Variants in ADGRG4 observed in about 807,000 individuals in gnomAD.
ADGRG4 encodes the protein G protein-coupled receptor 112.
In ADGRG4, 122 loss-of-function variants were observed where a neutral mutation model predicts 126.2. The observed-to-expected ratio is 0.97, with a 90% CI of 0.83 to 1.12. The LOEUF (loss-of-function observed/expected upper bound fraction) is 1.12, where lower values mean the gene tolerates loss of function less well. Ranked by LOEUF, ADGRG4 falls within the 50% of genes most tolerant of loss-of-function variation. ADGRG4 has a pLI of 0.00. For missense variants in ADGRG4, 2,481 were observed against 2,251.8 expected, an observed-to-expected ratio of 1.10 and a Z score of -2.06; for synonymous variants, 943 against 838.7, an observed-to-expected ratio of 1.12 and a Z score of -2.15.
chrX:136,345,768 G>A lies in ADGRG4; in HGVS notation c.2062G>A (p.Glu688Lys). ...TGAAAATTTTACATCAGCATTTCATGAGAATACTACTTATACAGAATATTT... is the reference window on the plus strand; with the variant it reads ...TGAAAATTTTACATCAGCATTTCATAAGAATACTACTTATACAGAATATTT... ...PNENFTSAFH[E>K]NTTYTEYLSA... is the part of the protein sequence containing the mutation. The change falls in exon 6 of 26, where the codon GAG (glutamate) becomes AAG (lysine). Residue 688 changes from glutamate to lysine, a missense_variant. By Grantham distance (56) the Glu-to-Lys change is moderately conservative (BLOSUM62 1). Transcript: ENST00000394143. 1 of 1,210,060 alleles carries A rather than the reference G, an allele frequency of 8.3e-7. No individual in the cohort carries two copies. The highest frequency in any genetic ancestry group is 1.1e-6 in the Non-Finnish European group (1 of 894,131).
In ADGRG4 at chrX:136,346,116, A is replaced by G. The variant is rs745630604; in HGVS notation, c.2410A>G (p.Ser804Gly). 5.8e-6 allele frequency: 7 copies of G among 1,209,887 alleles called. No individual in the cohort carries two copies. Among genetic ancestry groups the G allele is most frequent in the Non-Finnish European group, 7.8e-6 (7 of 894,126 alleles). Reference sequence around the variant, plus strand: ...TCAACCAAATTTTTCTACTGAGGAAAGTGCTTCTGAGACCACACAAACAGA... The same window carrying G: ...TCAACCAAATTTTTCTACTGAGGAAGGTGCTTCTGAGACCACACAAACAGA... ...CIQPNFSTEE[S>G]ASETTQTEIN... The change falls in exon 6 of 26, where the codon AGT becomes GGT. Residue 804 changes from serine to glycine, a missense_variant. Ser to Gly is a moderately conservative substitution (Grantham distance 56, BLOSUM62 0). Coordinates refer to ENST00000394143, the MANE Select transcript of ADGRG4 (RefSeq NM_153834.4).
intron 5 of ADGRG4, among the ~76,000 whole-genome samples, chrX:136,339,753 G>A (rs1345816794): frequency 8.9e-6 from 1 of 112,302 alleles, no homozygotes; most frequent in Non-Finnish European, 1.9e-5. Flanking sequence ...ACCATTTCCA[G>A]GATTTATAGT....
At chrX:136,305,517 A>G (rs1049335814) in intron 3 of ADGRG4, among the ~76,000 whole-genome samples, 3 of 112,243 alleles carry the variant, frequency 2.7e-5, no homozygotes, top group African/African-American at 6.5e-5. Flanking sequence ...CTGTAATGAC[A>G]CCTTCTGGGA....
intron 11 of ADGRG4, among the ~76,000 whole-genome samples, 153 bp from the exon 12 acceptor site, chrX:136,361,301 TC>T (rs1335001316): frequency 1.8e-5 from 2 of 109,460 alleles, no homozygotes; most frequent in Non-Finnish European, 1.9e-5. Flanking sequence ...GAAAAAGTTT[TC>T]TTTTTTATTT....
intron 15 of ADGRG4, among the ~76,000 whole-genome samples, chrX:136,375,570 T>C: frequency 8.9e-6 from 1 of 112,404 alleles, no homozygotes; most frequent in Non-Finnish European, 1.9e-5. Context: ...TTTTTAATTA[T>C]GGCCATTCTT....
intron 5 of ADGRG4, among the ~76,000 whole-genome samples, chrX:136,332,068 A>G (rs1429264373): frequency 9.2e-6 from 1 of 108,912 alleles, no homozygotes; most frequent in East Asian, 2.8e-4. Flanking sequence ...GGTTAGTTAC[A>G]TATGTATACA....
chrX:136,350,062 C>A lies in ADGRG4; in HGVS notation c.6356C>A (p.Thr2119Asn), dbSNP rs1021038921. Residue 2119 changes from threonine to asparagine, a missense_variant, in exon 6 of 26, where the codon ACT becomes AAT. Physicochemically the swap from Thr to Asn is moderately conservative, Grantham distance 65. Transcript: ENST00000394143. ...SRTTITANPRTVSHPSSFSRK... is the reference protein window; with the variant it reads ...SRTTITANPRNVSHPSSFSRK... ...ACCACAATAACTGCCAACCCCAGGA[C>A]TGTGTCTCATCCTTCATCCTTCAGC... The A allele has an allele frequency of 2.5e-6, 3 of 1,210,996 alleles. No homozygotes were observed. Among genetic ancestry groups the A allele is most frequent in the East Asian group, 5.9e-5 (2 of 33,823 alleles).
chrX:136,416,754 C>G lies in ADGRG4; in HGVS notation c.*263C>G, dbSNP rs1866108439. On this transcript the variant is annotated 3_prime_UTR_variant, in exon 26 of 26. Transcript: ENST00000394143. ...TTTTCAATAAATCCCAGTAGAGATA[C>G]TTGCCTCCTCCCAACCCCTGATTGG... is the stretch of plus-strand genomic sequence containing the variant. The G allele has an allele frequency of 4.2e-6, 1 of 236,811 alleles. No individual in the cohort carries two copies. The highest frequency in any genetic ancestry group is 2.9e-5 in the African/African-American group (1 of 35,029). 19.5% of individuals were successfully genotyped at this position (236,811 alleles called of 1,213,427 possible). A position where few individuals can be genotyped will look rare whatever the true frequency, so the allele number is the denominator to read the frequency against.
In ADGRG4 at chrX:136,388,595, A is replaced by G. The variant is rs147579337; in HGVS notation, c.7911+721A>G. Among the ~76,000 whole-genome samples the G allele has an allele frequency of 9.0e-3, 1,003 of 112,057 alleles. 11 individuals carry two copies. The highest frequency in any genetic ancestry group is 0.03 in the African/African-American group (935 of 30,857). On this transcript the variant is annotated intron_variant, in intron 16 of 25. Coordinates refer to ENST00000394143, the MANE Select transcript of ADGRG4 (RefSeq NM_153834.4). Reference sequence around the variant, plus strand: ...AAGTGCTTACAATACCGCTTGGCACATAAGTACCATGTTAAGTGTTTGCTC... The same window carrying G: ...AAGTGCTTACAATACCGCTTGGCACGTAAGTACCATGTTAAGTGTTTGCTC...
intron 3 of ADGRG4, among the ~76,000 whole-genome samples, chrX:136,306,436 T>A (rs768495927): frequency 9.0e-6 from 1 of 111,429 alleles, no homozygotes; most frequent in Non-Finnish European, 1.9e-5. Flanking sequence ...TGTATGCTCA[T>A]TGTAAAAGCA....
At chrX:136,305,090 C>A (rs1236245058) in intron 3 of ADGRG4, 67 bp downstream of exon 3, 1 of 112,049 alleles carries the variant, frequency 8.9e-6, no homozygotes, top group Admixed American at 9.4e-5. Flanking sequence ...AGGGAACTAG[C>A]CACAAGTCAC....
intron 4 of ADGRG4, among the ~76,000 whole-genome samples, chrX:136,319,728 TATC>T (rs2074827487): frequency 9.1e-6 from 1 of 109,652 alleles, no homozygotes; most frequent in African/African-American, 3.3e-5. Flanking sequence ...TCTATCTATC[TATC>T]TATCTATCTA....
intron 5 of ADGRG4, among the ~76,000 whole-genome samples, chrX:136,328,052 A>AT (rs906646703): frequency 8.1e-5 from 9 of 110,945 alleles, no homozygotes; most frequent in East Asian, 2.8e-4. Context: ...ATGTAAATAT[A>AT]TTTTTTTTCT....
chrX:136,328,497 A>G (rs1040207877), intron 5 of ADGRG4, among the ~76,000 whole-genome samples: 2 of 112,130 alleles, frequency 1.8e-5, no homozygotes, highest in Admixed American at 9.4e-5. Context: ...AATTCCTTTT[A>G]GATCTGCATT....
At position 136,348,003 on chromosome X, in the gene ADGRG4, A is replaced by G; in HGVS notation, c.4297A>G (p.Asn1433Asp). The G allele has an allele frequency of 8.3e-7, 1 of 1,210,986 alleles. No homozygotes were observed. The highest frequency in any genetic ancestry group is 1.1e-6 in the Non-Finnish European group (1 of 894,861). ...STRISNPMDI[N>D]TTFSHLHSLR... The stretch of plus-strand genomic sequence containing the variant: ...AAGGATATCAAATCCTATGGACATC[A>G]ATACAACTTTTTCACACTTGCATTC... Residue 1433 changes from asparagine to aspartate, a missense_variant, in exon 6 of 26, where the codon AAT (asparagine) becomes GAT (aspartate). Transcript: ENST00000394143.
At position 136,349,666 on chromosome X, in the gene ADGRG4, C is replaced by T. The variant is rs757839686; in HGVS notation, c.5960C>T (p.Thr1987Ile). ...ACCACATCTGTAACTCCTGGGACCA[C>T]ACTCCCATCAATTCTTTCTGGTGCC... is the stretch of plus-strand genomic sequence containing the variant. ...KMTTSVTPGT[T>I]LPSILSGATS... The change falls in exon 6 of 26, where the codon ACA (threonine) becomes ATA (isoleucine). Residue 1987 changes from threonine to isoleucine, a missense_variant. Coordinates refer to ENST00000394143, the MANE Select transcript of ADGRG4 (RefSeq NM_153834.4). 1.1e-5 allele frequency: 13 copies of T among 1,210,056 alleles called. No homozygotes were observed. The highest frequency in any genetic ancestry group is 1.5e-5 in the Non-Finnish European group (13 of 894,339).
At chrX:136,351,671 G>GTT (rs1222315771) in intron 7 of ADGRG4, 130 bp downstream of exon 7, 559 of 245,416 alleles carry the variant, frequency 2.3e-3, no homozygotes, top group East Asian at 3.2e-3. Flanking sequence ...CAGCTAAGTA[G>GTT]TTTTTTTTTT....
At position 136,344,252 on chromosome X, in the gene ADGRG4, A is replaced by T. The variant is rs1051750381; in HGVS notation, c.686-140A>T. 2.7e-5 allele frequency: 12 copies of T among 448,007 alleles called. No individual in the cohort carries two copies. The African/African-American group carries it at 2.7e-4, about 10-fold the overall frequency. 36.9% of individuals were successfully genotyped at this position (448,007 alleles called of 1,213,427 possible). A position where few individuals can be genotyped will look rare whatever the true frequency, so the allele number is the denominator to read the frequency against. ...TCTTAGAGAGTAGAAAATTATCTTAAGGAAAATCAAGTGATCAAGTGATTT... is the reference window on the plus strand; with the variant it reads ...TCTTAGAGAGTAGAAAATTATCTTATGGAAAATCAAGTGATCAAGTGATTT... On this transcript the variant is annotated intron_variant, in intron 5 of 25. Transcript: ENST00000394143.
In ADGRG4 at chrX:136,349,858, A is replaced by G. The variant is rs1486989053; in HGVS notation, c.6152A>G (p.His2051Arg). The G allele has an allele frequency of 1.7e-6, 2 of 1,209,447 alleles. No homozygotes were observed. Among genetic ancestry groups the G allele is most frequent in the Non-Finnish European group, 2.2e-6 (2 of 893,748 alleles). The part of the protein sequence containing the change: ...TFLTSDMISA[H>R]PFTNLTTLPS... ...CTGACATCTGACATGATATCAGCGC[A>G]CCCATTCACTAACTTGACAACACTA... The change falls in exon 6 of 26, where the codon CAC becomes CGC. Residue 2051 changes from histidine (H) to arginine (R), a missense_variant. Transcript: ENST00000394143.
Sources: allele counts gnomAD v4.1 joint callset (sites outside exome capture counted in the v4.1 genomes callset), GRCh38; gene constraint gnomAD v4.1.1; transcripts MANE v1.5; gene names NCBI Gene and HGNC (gene_info 2026-07-23, HGNC 2026-07-21).